Variants in GAP43 observed in about 807,000 individuals in gnomAD.
GAP43 encodes neuromodulin.
In GAP43, 6 loss-of-function variants were observed where a neutral mutation model predicts 18.6. The observed-to-expected ratio is 0.32, with a 90% CI of 0.18 to 0.64. The LOEUF (loss-of-function observed/expected upper bound fraction) is 0.64. Among genes scored for constraint, GAP43 ranks in the 30% least tolerant of loss-of-function variants. The pLI, the probability that GAP43 is intolerant of heterozygous loss-of-function variation, is 0.78. For missense variants in GAP43, 292 were observed against 295.5 expected (o/e 0.99, Z 0.09); for synonymous variants, 115 against 111.4 (o/e 1.03, Z -0.20).
intron 1 of GAP43, among the ~76,000 whole-genome samples, chr3:115,667,529 C>T (rs188857438): frequency 1.3e-5 from 2 of 152,316 alleles, no homozygotes; most frequent in East Asian, 3.9e-4. Flanking sequence ...TTGCATCTCA[C>T]ATTTTTGAGT....
chr3:115,647,564 C>T (rs1013124751), intron 1 of GAP43, among the ~76,000 whole-genome samples: 2 of 151,604 alleles, frequency 1.3e-5, no homozygotes, highest in African/African-American at 2.4e-5. Context: ...GGAGAGTGCC[C>T]AGTATGAAGG....
intron 2 of GAP43, among the ~76,000 whole-genome samples, chr3:115,686,915 A>G (rs1255044806): frequency 6.6e-6 from 1 of 152,206 alleles, no homozygotes; most frequent in Non-Finnish European, 1.5e-5. Context: ...TAGGAGGAAC[A>G]TTGTGAAACA....
At chr3:115,712,812 T>A (rs958573132) in intron 2 of GAP43, among the ~76,000 whole-genome samples, 18 of 152,204 alleles carry the variant, frequency 1.2e-4, no homozygotes, top group Admixed American at 1.2e-3. Flanking sequence ...ATTGCAGATA[T>A]CACTGAGACC....
intron 2 of GAP43, among the ~76,000 whole-genome samples, chr3:115,707,353 T>C (rs1709377266): frequency 6.6e-6 from 1 of 152,156 alleles, no homozygotes; most frequent in Non-Finnish European, 1.5e-5. Flanking sequence ...AAGGCTGGAG[T>C]GCAGTGGCTC....
At chr3:115,641,036 TC>T (rs139352712) in intron 1 of GAP43, among the ~76,000 whole-genome samples, 24,442 of 143,428 alleles carry the variant, frequency 0.17, 2,568 homozygotes, top group East Asian at 0.38. Context: ...TTTTTTTTTT[TC>T]TTTTTTTTTT....
At chr3:115,667,932 A>G (rs1342309781) in intron 1 of GAP43, among the ~76,000 whole-genome samples, 2 of 152,186 alleles carry the variant, frequency 1.3e-5, no homozygotes, top group Non-Finnish European at 2.9e-5. Context: ...CTCTGAGAGC[A>G]GAGTCTAGTG....
chr3:115,712,245 A>G (rs1709450012), intron 2 of GAP43, among the ~76,000 whole-genome samples: 1 of 152,178 alleles, frequency 6.6e-6, no homozygotes, highest in African/African-American at 2.4e-5. Context: ...AGCTGTCTTT[A>G]ATTAATAGTC....
In GAP43 at chr3:115,652,356, C is replaced by CTTTTTTTTTTTTTTTT. The variant is rs71141831; in HGVS notation, c.31-23643_31-23628dup. 5.3e-4 allele frequency among the ~76,000 whole-genome samples: 23 copies of CTTTTTTTTTTTTTTTT among 43,806 alleles called. 5 individuals carry two copies. Among genetic ancestry groups the CTTTTTTTTTTTTTTTT allele is most frequent in the East Asian group, 9.1e-4 (1 of 1,104 alleles). The allele number at this position is 43,806 out of a possible 152,430, so 28.7% of individuals were successfully genotyped here. A position where few individuals can be genotyped will look rare whatever the true frequency, so the allele number is the denominator to read the frequency against. On this transcript the variant is annotated intron_variant, in intron 1 of 2. Transcript: ENST00000305124. ...TTCCTGATGATTCTTATCCAGCATT[C>CTTTTTTTTTTTTTTTT]TTTTTTTTTTTTTTTTTTTTTTTTT...
chr3:115,683,899 AGT>A (rs1461848258), intron 2 of GAP43, among the ~76,000 whole-genome samples: 1 of 152,246 alleles, frequency 6.6e-6, no homozygotes, highest in Non-Finnish European at 1.5e-5. Flanking sequence ...AACAGGTCTA[AGT>A]ATTTGAAATG....
In GAP43 at chr3:115,676,194, A is replaced by C; in HGVS notation, c.212A>C (p.Glu71Ala). 1 of 1,614,180 alleles carries C rather than the reference A, an allele frequency of 6.2e-7. No homozygotes were observed. The highest frequency in any genetic ancestry group is 8.5e-7 in the Non-Finnish European group (1 of 1,180,034). ...GAGGCTGAAGCTAATAAGAAGGATG[A>C]AGCCCCTGTTGCCGATGGGGTGGAG... ...AAEAEANKKD[E>A]APVADGVEKK... Residue 71 changes from glutamate (E) to alanine (A), a missense_variant, in exon 2 of 3, where the codon GAA (glutamate) becomes GCA (alanine). By Grantham distance (107) the Glu-to-Ala change is moderately radical. Coordinates refer to ENST00000305124, the MANE Select transcript of GAP43 (RefSeq NM_002045.4).
At chr3:115,701,376 G>T (rs1003435190) in intron 2 of GAP43, among the ~76,000 whole-genome samples, 1 of 151,926 alleles carries the variant, frequency 6.6e-6, no homozygotes, top group Non-Finnish European at 1.5e-5. Context: ...CAGTATCATT[G>T]TTATTCCGGG....
chr3:115,705,168 TA>T (rs1709344720), intron 2 of GAP43, among the ~76,000 whole-genome samples: 1 of 152,216 alleles, frequency 6.6e-6, no homozygotes, highest in Admixed American at 6.5e-5. Flanking sequence ...ATATGACTCA[TA>T]AATGCAGTGC....
intron 1 of GAP43, among the ~76,000 whole-genome samples, chr3:115,672,596 A>G (rs1406881290): frequency 6.6e-6 from 1 of 152,178 alleles, no homozygotes; most frequent in Non-Finnish European, 1.5e-5. Context: ...CTAGCTTCAA[A>G]CCCAGTATTA....
At chr3:115,706,664 C>T (rs1158277) in intron 2 of GAP43, among the ~76,000 whole-genome samples, 2,673 of 152,188 alleles carry the variant, frequency 0.018, 23 homozygotes, top group Non-Finnish European at 0.027. Context: ...CAAGTTTGGC[C>T]GATGGTCACC....
chr3:115,687,065 G>C (rs1349931298), intron 2 of GAP43, among the ~76,000 whole-genome samples: 6 of 150,608 alleles, frequency 4.0e-5, no homozygotes, highest in African/African-American at 1.5e-4. Context: ...CTTTGGTTGA[G>C]AATGATAGGG....
At chr3:115,663,857 C>T (rs1214189037) in intron 1 of GAP43, 5 of 1,551,976 alleles carry the variant, frequency 3.2e-6, no homozygotes, top group Admixed American at 2.0e-5. Context: ...GAAAAATCTT[C>T]AGAGAGCAGT....
chr3:115,688,868 G>C (rs759470143), intron 2 of GAP43, among the ~76,000 whole-genome samples: 36 of 152,156 alleles, frequency 2.4e-4, no homozygotes, highest in Admixed American at 2.0e-4. Flanking sequence ...CCCAATGCTT[G>C]CCTACTTTTT....
chr3:115,668,288 G>A (rs1320558967), intron 1 of GAP43, among the ~76,000 whole-genome samples: 1 of 152,074 alleles, frequency 6.6e-6, no homozygotes, highest in Non-Finnish European at 1.5e-5. Context: ...TAGGGAAGGA[G>A]ACTTCCTTCC....
Position 115,720,835 on chromosome 3 carries a change from G to A in GAP43, c.670G>A (p.Asp224Asn). The A allele has an allele frequency of 6.2e-7, 1 of 1,613,170 alleles. No homozygotes were observed. The highest frequency in any genetic ancestry group is 8.5e-7 in the Non-Finnish European group (1 of 1,179,432). Residue 224 changes from aspartate to asparagine, a missense_variant, in exon 3 of 3, where the codon GAC (aspartate) becomes AAC (asparagine). Physicochemically the swap from Asp to Asn is conservative, Grantham distance 23. Transcript: ENST00000305124. The stretch of plus-strand genomic sequence containing the variant: ...CAAACCTAAGGAAAGTGCCCGGCAG[G>A]ACGAGGGTAAAGAAGAGGAACCTGA... ...ETKPKESARQ[D>N]EGKEEEPEAD...
Sources: gnomAD v4.1 joint callset for allele counts (sites outside exome capture counted in the v4.1 genomes callset) on GRCh38, gnomAD v4.1.1 for gene constraint, MANE v1.5 for transcripts, NCBI Gene and HGNC (gene_info 2026-07-23, HGNC 2026-07-21) for gene names.